BNC2: variants seen among roughly 807,000 people sequenced by gnomAD.
BNC2 encodes the protein basonuclin zinc finger protein 2.
Under a neutral mutation model 76.3 loss-of-function variants are expected in BNC2, and 20 were observed. That is an observed-to-expected ratio of 0.26 (90% CI 0.18 to 0.38). The LOEUF is 0.38. Among genes scored for constraint, BNC2 ranks in the 10% least tolerant of loss-of-function variants. The pLI is 1.00. For synonymous variants in BNC2, 582 were observed against 514.8 expected (o/e 1.13, Z -1.77); for missense variants, 1,382 against 1,399.8 (o/e 0.99, Z 0.20).
intron 4 of BNC2, among the ~76,000 whole-genome samples, chr9:16,571,530 C>A (rs2132854618): frequency 6.6e-6 from 1 of 152,148 alleles, no homozygotes; most frequent in East Asian, 1.9e-4. Flanking sequence ...CAGTTTTTTT[C>A]CTTTGCAAAA....
intron 5 of BNC2, among the ~76,000 whole-genome samples, chr9:16,543,887 C>T (rs922624514): frequency 6.6e-6 from 1 of 152,128 alleles, no homozygotes; most frequent in Non-Finnish European, 1.5e-5. Flanking sequence ...GTGGTCCAAG[C>T]ACTTTAGAAA....
At chr9:16,652,983 AAG>A (rs1821834213) in intron 3 of BNC2, among the ~76,000 whole-genome samples, 1 of 152,136 alleles carries the variant, frequency 6.6e-6, no homozygotes, top group South Asian at 2.1e-4. Flanking sequence ...TTACGGGATC[AAG>A]TTTTGAACTC....
chr9:16,602,711 C>T (rs1356781145), intron 3 of BNC2, among the ~76,000 whole-genome samples: 1 of 152,202 alleles, frequency 6.6e-6, no homozygotes, highest in Non-Finnish European at 1.5e-5. Context: ...ACTTACTGTA[C>T]AGAAGCAACC....
chr9:16,594,219 A>T (rs1399628530), intron 3 of BNC2, among the ~76,000 whole-genome samples: 1 of 152,172 alleles, frequency 6.6e-6, no homozygotes, highest in Non-Finnish European at 1.5e-5. Flanking sequence ...AAGCACCTCC[A>T]ATCCTAGAAA....
At chr9:16,541,044 T>C (rs893100328) in intron 5 of BNC2, among the ~76,000 whole-genome samples, 3 of 152,134 alleles carry the variant, frequency 2.0e-5, no homozygotes, top group East Asian at 3.9e-4. Flanking sequence ...GCAGCAGGCA[T>C]AGTAAAGGCT....
At chr9:16,865,806 T>C (rs1292398173) in intron 1 of BNC2, among the ~76,000 whole-genome samples, 3 of 152,182 alleles carry the variant, frequency 2.0e-5, no homozygotes, top group African/African-American at 7.2e-5. Flanking sequence ...AGTTAGAATA[T>C]AGGTTCTTAC....
At chr9:16,573,037 G>A (rs1311714245) in intron 4 of BNC2, among the ~76,000 whole-genome samples, 1 of 151,930 alleles carries the variant, frequency 6.6e-6, no homozygotes, top group Non-Finnish European at 1.5e-5. Flanking sequence ...AGACCAGCCT[G>A]GGCAACAAGA....
chr9:16,425,176 CA>C (rs1289670232), intron 6 of BNC2, among the ~76,000 whole-genome samples: 1 of 152,120 alleles, frequency 6.6e-6, no homozygotes, highest in African/African-American at 2.4e-5. Context: ...CAATATAAAA[CA>C]AATCATCCAT....
At chr9:16,647,546 C>G (rs1345976630) in intron 3 of BNC2, among the ~76,000 whole-genome samples, 1 of 151,968 alleles carries the variant, frequency 6.6e-6, no homozygotes, top group African/African-American at 2.4e-5. Flanking sequence ...CATTTTTCCC[C>G]TAGGGTGACG....
intron 1 of BNC2, among the ~76,000 whole-genome samples, chr9:16,748,748 C>G (rs1229028582): frequency 2.9e-5 from 4 of 136,620 alleles, no homozygotes; most frequent in Non-Finnish European, 6.1e-5. Flanking sequence ...GAGGCTGAGG[C>G]AAGAGAATTG....
chr9:16,581,433 C>T (rs1819627177), intron 4 of BNC2, among the ~76,000 whole-genome samples: 1 of 152,178 alleles, frequency 6.6e-6, no homozygotes. Context: ...TGGCGCATGC[C>T]TGTAATCCCA....
chr9:16,731,040 G>A (rs3904154), intron 2 of BNC2, among the ~76,000 whole-genome samples: 136,711 of 152,264 alleles, frequency 0.9, 61,423 homozygotes, highest in Non-Finnish European at 0.92. Context: ...ATAACATACT[G>A]TGTAGAACAT....
At chr9:16,440,625 C>T (rs1017623033) in intron 5 of BNC2, among the ~76,000 whole-genome samples, 18 of 152,218 alleles carry the variant, frequency 1.2e-4, no homozygotes, top group African/African-American at 4.1e-4. Context: ...TCAGTCCCAC[C>T]TGAGGCATCT....
At chr9:16,848,332 T>C (rs1181028213) in intron 1 of BNC2, among the ~76,000 whole-genome samples, 1 of 152,190 alleles carries the variant, frequency 6.6e-6, no homozygotes, top group Non-Finnish European at 1.5e-5. Context: ...GTATTGTGAA[T>C]GGGTGCTGGA....
intron 5 of BNC2, among the ~76,000 whole-genome samples, chr9:16,465,174 G>C (rs1014489906): frequency 6.6e-6 from 1 of 152,104 alleles, no homozygotes; most frequent in Non-Finnish European, 1.5e-5. Context: ...GGCGGCTCAC[G>C]CCTGTAATCC....
intron 5 of BNC2, among the ~76,000 whole-genome samples, chr9:16,498,158 CA>C (rs1822436514): frequency 7.2e-6 from 1 of 139,202 alleles, no homozygotes; most frequent in South Asian, 2.2e-4. Flanking sequence ...TATATTCCAT[CA>C]TATATATATT....
intron 3 of BNC2, among the ~76,000 whole-genome samples, chr9:16,608,017 G>GCTTTATTTAAAC (rs1820431682): frequency 6.6e-6 from 1 of 152,066 alleles, no homozygotes; most frequent in Admixed American, 6.5e-5. Context: ...TGCCAGAAGG[G>GCTTTATTTAAAC]ACCACAAAGC....
intron 5 of BNC2, among the ~76,000 whole-genome samples, chr9:16,440,974 T>G (rs182297325): frequency 6.6e-6 from 1 of 152,200 alleles, no homozygotes; most frequent in Non-Finnish European, 1.5e-5. Context: ...ACGGGACACA[T>G]AGCTCTATAA....
chr9:16,661,801 T>G lies in BNC2; in HGVS notation c.330+65996A>C, dbSNP rs565147413. ...TGTAAATACACATAAGAAAAATTATTTTGTAAATGTCTACTACAGAGTTAA... is the reference window on the plus strand; with the variant it reads ...TGTAAATACACATAAGAAAAATTATGTTGTAAATGTCTACTACAGAGTTAA... On this transcript the variant is annotated intron_variant, in intron 3 of 6. Coordinates refer to ENST00000380672, the MANE Select transcript of BNC2 (RefSeq NM_017637.6). Among the ~76,000 whole-genome samples the G allele has an allele frequency of 1.8e-3, 269 of 152,328 alleles. 2 individuals are homozygous for G. Among genetic ancestry groups the G allele is most frequent in the Non-Finnish European group, 3.1e-3 (208 of 68,022 alleles).
Sources: allele counts gnomAD v4.1 joint callset (sites outside exome capture counted in the v4.1 genomes callset), GRCh38; gene constraint gnomAD v4.1.1; transcripts MANE v1.5; gene names NCBI Gene and HGNC (gene_info 2026-07-23, HGNC 2026-07-21).